SHQ1: variants seen among roughly 807,000 people sequenced by gnomAD.
The protein encoded by SHQ1 is protein SHQ1 homolog.
SHQ1 carries 49 observed loss-of-function variants against 53.8 expected under a neutral mutation model. That is an observed-to-expected ratio of 0.91 (90% CI 0.72 to 1.16). The LOEUF (loss-of-function observed/expected upper bound fraction) is 1.16, where lower values mean the gene tolerates loss of function less well. SHQ1 is among the 50% of genes most tolerant of loss of function. SHQ1 has a pLI of 0.00. For missense variants in SHQ1, 738 were observed against 683.1 expected (o/e 1.08, Z -0.90); for synonymous variants, 243 against 251.0 (o/e 0.97, Z 0.30).
Position 72,832,456 on chromosome 3 carries a change from A to G in SHQ1, c.512T>C (p.Ile171Thr). 2 of 1,612,606 alleles carry G rather than the reference A, an allele frequency of 1.2e-6. No individual in the cohort carries two copies. Among genetic ancestry groups the G allele is most frequent in the Non-Finnish European group, 1.7e-6 (2 of 1,179,694 alleles). The change falls in exon 5 of 11, where the codon ATT (isoleucine) becomes ACT (threonine). Residue 171 changes from isoleucine to threonine, a missense_variant. Transcript: ENST00000325599. The part of the protein sequence containing the change: ...LQDELSDVID[I>T]KDPDFTPAAE... ...TGCAGGGGTGAAATCTGGATCCTTA[A>G]TATCAATAACATCACTCAGTTCATC...
chr3:72,773,368 T>A (rs1705893834), intron 10 of SHQ1: 9 of 500,050 alleles, frequency 1.8e-5, no homozygotes, highest in African/African-American at 4.0e-5. Flanking sequence ...AAGGAAAAGA[T>A]GACACAGTAC....
chr3:72,727,225 G>A, the SHQ1 span, among the ~76,000 whole-genome samples: 1 of 152,254 alleles, frequency 6.6e-6, no homozygotes, highest in East Asian at 1.9e-4. Context: ...GCCAAGGGGG[G>A]TTTGAGGCTC....
chr3:72,796,927 T>TCA (rs1162829746), intron 9 of SHQ1, among the ~76,000 whole-genome samples: 9 of 101,178 alleles, frequency 8.9e-5, no homozygotes, highest in Non-Finnish European at 1.6e-4. Context: ...CCCTATTTTC[T>TCA]TAAAAAAAAA....
intron 10 of SHQ1, among the ~76,000 whole-genome samples, chr3:72,751,510 A>G (rs12486915): frequency 0.53 from 47,592 of 90,356 alleles, 10,029 homozygotes; most frequent in East Asian, 0.72. Context: ...GTGTGTGTGT[A>G]TATATATATA....
chr3:72,778,285 C>T (rs552283815), intron 10 of SHQ1, among the ~76,000 whole-genome samples: 1 of 152,066 alleles, frequency 6.6e-6, no homozygotes, highest in Admixed American at 6.6e-5. Context: ...CAAAGCAAGA[C>T]TCTATCTCTA....
At chr3:72,751,508 G>GTGTGTATATA (rs1210782182) in intron 10 of SHQ1, among the ~76,000 whole-genome samples, 48 of 116,978 alleles carry the variant, frequency 4.1e-4, no homozygotes, top group African/African-American at 1.7e-3. Context: ...GTGTGTGTGT[G>GTGTGTATATA]TATATATATA....
chr3:72,844,674 C>T (rs1186304324), intron 1 of SHQ1, among the ~76,000 whole-genome samples: 1 of 152,012 alleles, frequency 6.6e-6, no homozygotes, highest in Non-Finnish European at 1.5e-5. Context: ...AAAGAAAAGC[C>T]ATAATAAATA....
intron 8 of SHQ1, among the ~76,000 whole-genome samples, chr3:72,813,702 A>G (rs370260122): frequency 1.8e-4 from 27 of 148,484 alleles, no homozygotes; most frequent in African/African-American, 6.5e-4. Flanking sequence ...CGGAGCTTGC[A>G]GTGAGCCAAG....
chr3:72,817,136 C>T, intron 7 of SHQ1, 94 bp downstream of exon 7: 1 of 1,351,382 alleles, frequency 7.4e-7, no homozygotes, highest in Non-Finnish European at 1.0e-6. Flanking sequence ...AACTGATCAC[C>T]ACCAGTTCTA....
chr3:72,797,560 T>A (rs1468682507), intron 9 of SHQ1, among the ~76,000 whole-genome samples: 1 of 152,238 alleles, frequency 6.6e-6, no homozygotes, highest in Non-Finnish European at 1.5e-5. Flanking sequence ...TTAAATTATA[T>A]TTTTAAACAA....
At chr3:72,816,513 T>C (rs1479207236) in intron 7 of SHQ1, among the ~76,000 whole-genome samples, 2 of 152,164 alleles carry the variant, frequency 1.3e-5, no homozygotes, top group Non-Finnish European at 2.9e-5. Flanking sequence ...AAGGCTGTTT[T>C]TTTTGGTTTC....
At chr3:72,776,943 C>T (rs1186277571) in intron 10 of SHQ1, among the ~76,000 whole-genome samples, 2 of 152,040 alleles carry the variant, frequency 1.3e-5, no homozygotes, top group African/African-American at 4.8e-5. Flanking sequence ...GTGAGCACTG[C>T]AGGATGTATG....
At chr3:72,837,383 T>C (rs1559698563) in intron 4 of SHQ1, among the ~76,000 whole-genome samples, 5 of 152,132 alleles carry the variant, frequency 3.3e-5, no homozygotes, top group Admixed American at 3.3e-4. Context: ...TATGAAAGAC[T>C]TCTGTAAAGG....
chr3:72,785,180 C>A (rs764534663), intron 10 of SHQ1, among the ~76,000 whole-genome samples: 4 of 152,198 alleles, frequency 2.6e-5, no homozygotes, highest in Admixed American at 1.3e-4. Context: ...CAGCATCATG[C>A]AAGACCATAT....
chr3:72,790,721 T>C (rs1575695366), intron 10 of SHQ1, among the ~76,000 whole-genome samples: 1 of 152,188 alleles, frequency 6.6e-6, no homozygotes, highest in East Asian at 1.9e-4. Context: ...ACAAATGTTT[T>C]ATTTCAAAAG....
At chr3:72,821,957 AATTGTAATTTCACAGAGAAACC>A (rs1707491002) in intron 6 of SHQ1, among the ~76,000 whole-genome samples, 2 of 152,294 alleles carry the variant, frequency 1.3e-5, no homozygotes, top group South Asian at 4.1e-4. Context: ...AATGTATAAA[AATTGTAATTTCACAGAGAAACC>A]ATCCAACTCC....
chr3:72,824,318 A>C (rs1244609672), intron 6 of SHQ1, 106 bp downstream of exon 6: 6 of 1,336,374 alleles, frequency 4.5e-6, no homozygotes, highest in Non-Finnish European at 6.1e-6. Context: ...ATATTTTAAC[A>C]TTATAAGGCA....
chr3:72,825,071 G>A (rs371062155), intron 5 of SHQ1, among the ~76,000 whole-genome samples: 2 of 152,072 alleles, frequency 1.3e-5, no homozygotes, highest in African/African-American at 4.8e-5. Flanking sequence ...AAAGTGTGAT[G>A]GGATTACAGG....
At chr3:72,753,474 AC>A (rs1417353750) in intron 10 of SHQ1, 3 of 984,954 alleles carry the variant, frequency 3.0e-6, no homozygotes, top group Non-Finnish European at 3.6e-6. Context: ...ATTGCCCCCC[AC>A]CCCCCACAAC....
Sources: allele counts gnomAD v4.1 joint callset (sites outside exome capture counted in the v4.1 genomes callset), GRCh38; gene constraint gnomAD v4.1.1; transcripts MANE v1.5; gene names NCBI Gene and HGNC (gene_info 2026-07-23, HGNC 2026-07-21).